TMED4: variants seen among roughly 807,000 people sequenced by gnomAD.
TMED4 encodes transmembrane p24 trafficking protein 4, also known as transmembrane emp24 domain-containing protein 4.
A neutral mutation model predicts 26.5 loss-of-function variants in TMED4; 19 were observed. That is an observed-to-expected ratio of 0.72 (90% confidence interval 0.50 to 1.05). The LOEUF is 1.05. TMED4 is among the 50% of genes least tolerant of loss of function. The pLI is 0.00. For missense variants in TMED4, 303 were observed against 302.5 expected (o/e 1.00, Z -0.01); for synonymous variants, 121 against 119.8 (o/e 1.01, Z -0.07).
intron 4 of TMED4, chr7:44,580,260 C>G (rs935235403): frequency 1.3e-5 from 2 of 152,402 alleles, no homozygotes; most frequent in Non-Finnish European, 2.9e-5. Context: ...AGTGGATTGC[C>G]TGAGGCCAGG....
At chr7:44,580,478 A>G (rs963389670) in intron 4 of TMED4, 7 of 152,436 alleles carry the variant, frequency 4.6e-5, no homozygotes, top group African/African-American at 1.7e-4. Flanking sequence ...ACTCCATCTC[A>G]AAAACAAAAC....
In TMED4 at chr7:44,579,615, C is replaced by T. The variant is rs756285531; in HGVS notation, c.548G>A (p.Arg183His). Residue 183 changes from arginine to histidine, a missense_variant, in exon 5 of 5, where the codon CGC becomes CAC. By Grantham distance (29) the Arg-to-His change is conservative. Transcript: ENST00000457408. ...EQDYQRYREE[R>H]FRLTSESTNQ... is the part of the protein sequence containing the mutation. ...GGTGCTCTCGCTCGTCAGTCGGAAG[C>T]GCTCTTCACGATACTGTGTGGGGCA... 6.8e-6 allele frequency: 11 copies of T among 1,613,722 alleles called. No individual in the cohort carries two copies. Among genetic ancestry groups the T allele is most frequent in the Admixed American group, 1.7e-5 (1 of 59,996 alleles).
intron 1 of TMED4, 55 bp from the exon 2 acceptor site, chr7:44,581,878 G>T: frequency 6.3e-7 from 1 of 1,594,272 alleles, no homozygotes. Context: ...TCTCCGCCCG[G>T]CCCCCTCCGA....
At chr7:44,581,647 G>A in intron 2 of TMED4, 73 bp from the exon 3 acceptor site, 1 of 1,613,676 alleles carries the variant, frequency 6.2e-7, no homozygotes, top group Non-Finnish European at 8.5e-7. Flanking sequence ...GTCCCTTGAG[G>A]CCTCCTCCAG....
At chr7:44,581,976 C>T (rs1012945510) in intron 1 of TMED4, 71 bp downstream of exon 1, 12 of 1,523,146 alleles carry the variant, frequency 7.9e-6, no homozygotes, top group Non-Finnish European at 1.1e-5. Flanking sequence ...CCCGGCTGGG[C>T]TCGGGAGGAG....
intron 4 of TMED4, chr7:44,580,022 TG>T (rs1285047840): frequency 6.2e-6 from 1 of 161,502 alleles, no homozygotes; most frequent in African/African-American, 2.4e-5. Context: ...TGCTATAACA[TG>T]GATGAACTGT....
rs952104374 is a variant in TMED4 at position 44,577,996 on chromosome 7, A to C, written c.*1483T>G. The C allele has an allele frequency of 2.6e-5, 4 of 152,218 alleles. No homozygotes were observed. Among genetic ancestry groups the C allele is most frequent in the Non-Finnish European group, 4.4e-5 (3 of 68,038 alleles). The allele number at this position is 152,218 out of a possible 1,614,324, so 9.4% of individuals were successfully genotyped here. A position where few individuals can be genotyped will look rare whatever the true frequency, so the allele number is the denominator to read the frequency against. ...TGGGGAACTAATGGTATTAAGTTTT[A>C]TATAGAAGGGCATGAGGGAAGTGTA... On this transcript the variant is annotated 3_prime_UTR_variant, in exon 5 of 5. Transcript: ENST00000457408.
In TMED4 at chr7:44,582,135, G is replaced by T. The variant is rs1044410895; in HGVS notation, c.72C>A (p.Ala24=). ...GGAAGTAGAGCCCCTGGGCGCCTGT[G>T]GCGCACAGCGCGAGAAGCAGCAGGG... ...RQALLLLALC[A]TGAQGLYFHI... Residue 24 remains alanine, a synonymous_variant, in exon 1 of 5, where the codon GCC becomes GCA. Transcript: ENST00000457408. 2 of 1,552,208 alleles carry T rather than the reference G, an allele frequency of 1.3e-6. No individual in the cohort carries two copies. The highest frequency in any genetic ancestry group is 1.7e-6 in the Non-Finnish European group (2 of 1,147,818).
chr7:44,580,646 T>C (rs1188647974), intron 4 of TMED4: 1 of 165,178 alleles, frequency 6.1e-6, no homozygotes, highest in Non-Finnish European at 1.3e-5. Flanking sequence ...ATAAAATGTT[T>C]TGATAAAAAA....
At chr7:44,581,409 G>C in intron 3 of TMED4, 40 bp downstream of exon 3, 1 of 1,613,312 alleles carries the variant, frequency 6.2e-7, no homozygotes, top group Non-Finnish European at 8.5e-7. Flanking sequence ...GGAAACAAGT[G>C]AGAGATTCTA....
At chr7:44,579,776 C>G (rs368774521) in intron 4 of TMED4, 148 bp from the exon 5 acceptor site, 1 of 682,566 alleles carries the variant, frequency 1.5e-6, no homozygotes, top group African/African-American at 1.8e-5. Flanking sequence ...GGTCTCCCCA[C>G]TGAGGCTGCC....
Position 44,581,553 on chromosome 7 carries a change from C to T in TMED4, c.283G>A (p.Gly95Ser), listed in dbSNP as rs370439060. 1 of 1,614,080 alleles carries T rather than the reference C, an allele frequency of 6.2e-7. No homozygotes were observed. Among genetic ancestry groups the T allele is most frequent in the Non-Finnish European group, 8.5e-7 (1 of 1,180,060 alleles). The change falls in exon 3 of 5, where the codon GGC (glycine) becomes AGC (serine). Residue 95 changes from glycine (G) to serine (S), a missense_variant. Transcript: ENST00000457408. ...DGKVVLSRQY[G>S]SEGRFTFTSH... ...GTGAACGTGAAGCGGCCCTCCGAGC[C>T]GTACTGCCGGGACAGCACCACCTGC...
chr7:44,582,044 G>T lies in TMED4; in HGVS notation c.160+3C>A. 1 of 1,557,264 alleles carries T rather than the reference G, an allele frequency of 6.4e-7. No individual in the cohort carries two copies. Among genetic ancestry groups the T allele is most frequent in the South Asian group, 1.2e-5 (1 of 86,032 alleles). Reference sequence around the variant, plus strand: ...GGGCCTCCCCACCCTCAGCCCGCCTGACCGATGACCATGGTCTCGTCGGGG... The same window carrying T: ...GGGCCTCCCCACCCTCAGCCCGCCTTACCGATGACCATGGTCTCGTCGGGG... On this transcript the variant is annotated splice_donor_region_variant and intron_variant, in intron 1 of 4. Transcript: ENST00000457408.
rs1284348329 is a variant in TMED4 at position 44,579,379 on chromosome 7, C to A, written c.*100G>T. The A allele has an allele frequency of 7.3e-7, 1 of 1,370,358 alleles. No individual in the cohort carries two copies. The highest frequency in any genetic ancestry group is 1.0e-6 in the Non-Finnish European group (1 of 1,004,604). 84.9% of individuals were successfully genotyped at this position (1,370,358 alleles called of 1,614,324 possible). A position where few individuals can be genotyped will look rare whatever the true frequency, so the allele number is the denominator to read the frequency against. ...GGCCATGGAACCAATGTGACTTATTCTTTTTCATTTTTTTCCCTAAAAATC... is the reference window on the plus strand; with the variant it reads ...GGCCATGGAACCAATGTGACTTATTATTTTTCATTTTTTTCCCTAAAAATC... On this transcript the variant is annotated 3_prime_UTR_variant, in exon 5 of 5. Transcript: ENST00000457408.
rs1325744050 is a variant in TMED4 at position 44,581,145 on chromosome 7, C to T, written c.482G>A (p.Arg161His). ...DKLTELQLRARQLLDQVEQIQ... is the reference protein window; with the variant it reads ...DKLTELQLRAHQLLDQVEQIQ... ...CTGTTCCACCTGATCAAGCAACTGG[C>T]GGGCGCGGAGCTGTAGCTCCGTCAG... is the stretch of plus-strand genomic sequence containing the variant. Residue 161 changes from arginine (R) to histidine (H), a missense_variant, in exon 4 of 5, where the codon CGC (arginine) becomes CAC (histidine). By Grantham distance (29) the Arg-to-His change is conservative. Transcript: ENST00000457408. 5 of 1,614,104 alleles carry T rather than the reference C, an allele frequency of 3.1e-6. No homozygotes were observed. The highest frequency in any genetic ancestry group is 4.2e-6 in the Non-Finnish European group (5 of 1,180,034).
chr7:44,580,154 A>G (rs1802936960), intron 4 of TMED4: 1 of 152,850 alleles, frequency 6.5e-6, no homozygotes, highest in Non-Finnish European at 1.5e-5. Flanking sequence ...GGGTGTCAGG[A>G]CAAAAGGAAA....
In TMED4 at chr7:44,582,050, T is replaced by C; in HGVS notation, c.157A>G (p.Ile53Val). Reference sequence around the variant, plus strand: ...CCCCACCCTCAGCCCGCCTGACCGATGACCATGGTCTCGTCGGGGATTTCC... The same window carrying C: ...CCCCACCCTCAGCCCGCCTGACCGACGACCATGGTCTCGTCGGGGATTTCC... Reference protein sequence around the residue: ...IEEIPDETMVIGNYRTQMWDK... With the variant: ...IEEIPDETMVVGNYRTQMWDK... The change falls in exon 1 of 5, where the codon ATC (isoleucine) becomes GTC (valine). Residue 53 changes from isoleucine (I) to valine (V), a missense_variant. By Grantham distance (29) the Ile-to-Val change is conservative (BLOSUM62 3). Coordinates refer to ENST00000457408, the MANE Select transcript of TMED4 (RefSeq NM_182547.4). The C allele has an allele frequency of 6.4e-7, 1 of 1,559,416 alleles. No individual in the cohort carries two copies. The highest frequency in any genetic ancestry group is 8.7e-7 in the Non-Finnish European group (1 of 1,151,058).
At chr7:44,580,863 C>T (rs1410682631) in intron 4 of TMED4, 2 of 448,310 alleles carry the variant, frequency 4.5e-6, no homozygotes, top group Non-Finnish European at 8.1e-6. Context: ...AGGAGAATCG[C>T]TTGAACCTGG....
rs1396184374 is a variant in TMED4, at chr7:44,582,176, C to A, written c.31G>T (p.Ala11Ser). The A allele has an allele frequency of 1.9e-6, 3 of 1,547,706 alleles. No homozygotes were observed. Among genetic ancestry groups the A allele is most frequent in the East Asian group, 2.4e-5 (1 of 40,904 alleles). Reference protein sequence around the residue: MAGVGAGPLRAMGRQALLLLA... With the variant: MAGVGAGPLRSMGRQALLLLA... The stretch of plus-strand genomic sequence containing the variant: ...AGCAGCAGGGCCTGCCGCCCCATCG[C>A]CCGCAGAGGCCCAGCCCCGACACCT... Residue 11 changes from alanine (A) to serine (S), a missense_variant, in exon 1 of 5, where the codon GCG becomes TCG. Transcript: ENST00000457408.
Sources: allele counts gnomAD v4.1 joint callset, GRCh38; gene constraint gnomAD v4.1.1; transcripts MANE v1.5; gene names NCBI Gene and HGNC (gene_info 2026-07-23, HGNC 2026-07-21).